The following MAGI2 variants were observed in gnomAD, a reference collection of about 807,000 sequenced individuals.
The protein encoded by MAGI2 is membrane associated guanylate kinase, WW and PDZ domain containing 2.
Under a neutral mutation model 133.3 loss-of-function variants are expected in MAGI2, and 35 were observed. The observed-to-expected ratio is 0.26, with a 90% CI of 0.20 to 0.35. The LOEUF (loss-of-function observed/expected upper bound fraction) is 0.35. Ranked by LOEUF, MAGI2 falls within the 10% of genes least tolerant of loss-of-function variation. The pLI, the probability that MAGI2 is intolerant of heterozygous loss-of-function variation, is 1.00. For synonymous variants in MAGI2, 729 were observed against 710.6 expected (o/e 1.03, Z -0.41); for missense variants, 1,636 against 1,863.4 (o/e 0.88, Z 2.25).
At chr7:78,060,725 T>C (rs147573614) in intron 21 of MAGI2, among the ~76,000 whole-genome samples, 2 of 152,312 alleles carry the variant, frequency 1.3e-5, no homozygotes, top group Non-Finnish European at 2.9e-5. Flanking sequence ...GAAAACAGCA[T>C]GTGCCCAACC....
chr7:78,889,339 G>T (rs1213710081), intron 2 of MAGI2, among the ~76,000 whole-genome samples: 1 of 152,196 alleles, frequency 6.6e-6, no homozygotes, highest in Non-Finnish European at 1.5e-5. Flanking sequence ...CCCCAATCTA[G>T]CAAGGCAGGC....
At chr7:78,669,954 C>T (rs1296165928) in intron 2 of MAGI2, among the ~76,000 whole-genome samples, 1 of 151,610 alleles carries the variant, frequency 6.6e-6, no homozygotes, top group Non-Finnish European at 1.5e-5. Flanking sequence ...GACAAACCCA[C>T]AGCCAATATC....
chr7:78,628,792 A>G (rs190499443), intron 2 of MAGI2, among the ~76,000 whole-genome samples: 46 of 148,494 alleles, frequency 3.1e-4, no homozygotes, highest in Admixed American at 2.7e-3. Flanking sequence ...AATATTGTCA[A>G]GTTAATGTTT....
At chr7:78,171,051 T>C (rs922006483) in intron 14 of MAGI2, 1 of 152,220 alleles carries the variant, frequency 6.6e-6, no homozygotes, top group Non-Finnish European at 1.5e-5. Flanking sequence ...CTTCCAGCTC[T>C]CCTGCCGCTG....
intron 2 of MAGI2, among the ~76,000 whole-genome samples, chr7:78,865,692 T>C (rs186992918): frequency 3.3e-5 from 5 of 152,204 alleles, no homozygotes; most frequent in Non-Finnish European, 5.9e-5. Flanking sequence ...AGAAAGAAAA[T>C]AGCATTTTGT....
rs1300910866 is a variant in MAGI2 at position 79,052,512 on chromosome 7, T to C, written c.302-45306A>G. Among the ~76,000 whole-genome samples, 3 of 152,314 alleles carry C rather than the reference T, an allele frequency of 2.0e-5. No homozygotes were observed. The East Asian group carries it at 5.8e-4, about 29-fold the overall frequency. On this transcript the variant is annotated intron_variant, in intron 1 of 21. Transcript: ENST00000354212. ...TTCCCAAGAAATGGCTCTGGGATGT[T>C]GGCATTGACTTGGATGCTCCCATGC...
intron 2 of MAGI2, among the ~76,000 whole-genome samples, chr7:78,759,004 G>A (rs150574975): frequency 1.8e-4 from 27 of 152,006 alleles, no homozygotes; most frequent in African/African-American, 5.8e-4. Context: ...CTTCAGCATC[G>A]AACCAAAATC....
At chr7:78,326,976 G>T (rs572193342) in intron 9 of MAGI2, among the ~76,000 whole-genome samples, 1 of 152,104 alleles carries the variant, frequency 6.6e-6, no homozygotes, top group African/African-American at 2.4e-5. Flanking sequence ...TTTTATGTTG[G>T]CTGTGGCTGC....
At chr7:78,700,896 A>G (rs1338201209) in intron 2 of MAGI2, among the ~76,000 whole-genome samples, 1 of 151,642 alleles carries the variant, frequency 6.6e-6, no homozygotes, top group Non-Finnish European at 1.5e-5. Flanking sequence ...TGGAAAAAAT[A>G]CTTAAAAGTA....
At chr7:79,020,995 T>C (rs1809274338) in intron 1 of MAGI2, among the ~76,000 whole-genome samples, 3 of 152,214 alleles carry the variant, frequency 2.0e-5, no homozygotes, top group Admixed American at 2.0e-4. Context: ...GCTCCAGCTG[T>C]GGCTGAAAGA....
At chr7:78,084,464 G>T (rs187494403) in intron 20 of MAGI2, among the ~76,000 whole-genome samples, 1 of 145,268 alleles carries the variant, frequency 6.9e-6, no homozygotes, top group African/African-American at 2.5e-5. Context: ...GATAGTAAAC[G>T]TCTTCATTTG....
chr7:78,600,674 A>G (rs1047799796), intron 3 of MAGI2, among the ~76,000 whole-genome samples: 2 of 152,202 alleles, frequency 1.3e-5, no homozygotes, highest in Non-Finnish European at 2.9e-5. Context: ...TAATATTTAC[A>G]TAATTATAAT....
intron 2 of MAGI2, among the ~76,000 whole-genome samples, chr7:78,871,003 C>A (rs1794983414): frequency 6.6e-6 from 1 of 152,014 alleles, no homozygotes; most frequent in South Asian, 2.1e-4. Flanking sequence ...GATATGAGTA[C>A]CCAAATGCAT....
chr7:78,745,089 A>C (rs902616322), intron 2 of MAGI2, among the ~76,000 whole-genome samples: 1 of 152,256 alleles, frequency 6.6e-6, no homozygotes, highest in Admixed American at 6.5e-5. Flanking sequence ...CAACCAACTT[A>C]TAAACATTTG....
chr7:78,528,517 A>G (rs981818502), intron 3 of MAGI2, among the ~76,000 whole-genome samples: 1 of 152,242 alleles, frequency 6.6e-6, no homozygotes, highest in African/African-American at 2.4e-5. Context: ...TCATAGTCAT[A>G]TAGCTATAGT....
intron 1 of MAGI2, among the ~76,000 whole-genome samples, chr7:79,325,740 T>A (rs1401640168): frequency 2.0e-5 from 3 of 152,150 alleles, no homozygotes; most frequent in African/African-American, 7.2e-5. Context: ...AACCGGTAGT[T>A]TATTTGGTTT....
At chr7:79,346,576 T>C (rs60819664) in intron 1 of MAGI2, among the ~76,000 whole-genome samples, 46,541 of 151,526 alleles carry the variant, frequency 0.31, 7,358 homozygotes, top group Admixed American at 0.38. Flanking sequence ...TCTGCAACTG[T>C]ACTGCCCTCT....
chr7:78,118,768 A>G (rs921085212), intron 20 of MAGI2, among the ~76,000 whole-genome samples: 5 of 152,250 alleles, frequency 3.3e-5, no homozygotes, highest in African/African-American at 1.2e-4. Context: ...GTAAAATGGT[A>G]TAGCCAATTT....
At chr7:79,171,506 A>G (rs1825540246) in intron 1 of MAGI2, among the ~76,000 whole-genome samples, 1 of 151,700 alleles carries the variant, frequency 6.6e-6, no homozygotes, top group Non-Finnish European at 1.5e-5. Flanking sequence ...GATTCCTAAG[A>G]AAAGATAATT....
Sources: gnomAD v4.1 joint callset for allele counts (sites outside exome capture counted in the v4.1 genomes callset) on GRCh38, gnomAD v4.1.1 for gene constraint, MANE v1.5 for transcripts, NCBI Gene and HGNC (gene_info 2026-07-23, HGNC 2026-07-21) for gene names.